Variants in PGAP1 observed in about 807,000 individuals in gnomAD.
The protein encoded by PGAP1 is post-GPI attachment to proteins inositol deacylase 1.
PGAP1 carries 76 observed loss-of-function variants against 127.0 expected under a neutral mutation model. The ratio of observed to expected loss-of-function variants is 0.60; its 90% confidence interval spans 0.50 to 0.72. PGAP1 has a LOEUF of 0.72. Ranked by LOEUF, PGAP1 falls within the 30% of genes least tolerant of loss-of-function variation. The pLI is 0.00. For missense variants in PGAP1, 982 were observed against 1,071.3 expected (o/e 0.92, Z 1.16); for synonymous variants, 362 against 366.5 (o/e 0.99, Z 0.14).
intron 20 of PGAP1, among the ~76,000 whole-genome samples, chr2:196,858,326 A>C (rs756424959): frequency 8.8e-4 from 134 of 151,722 alleles, no homozygotes; most frequent in Admixed American, 2.0e-3. Context: ...GGCGTAAACC[A>C]GGGAGACAGA....
chr2:196,880,175 C>G (rs1559350413), intron 12 of PGAP1, 22 bp from the exon 13 acceptor site: 1 of 1,351,484 alleles, frequency 7.4e-7, no homozygotes, highest in South Asian at 1.4e-5. Flanking sequence ...AAAAAAGAAA[C>G]TACTTTTATT....
rs1431889513 is a variant in PGAP1, at chr2:196,873,041, A to T, written c.1553-15T>A. ...GGTTATTTCTTCTGTTAAAACATTT[A>T]AAAAATGTATTATTAACAACATGTT... On this transcript the variant is annotated splice_polypyrimidine_tract_variant and intron_variant, in intron 16 of 26. Transcript: ENST00000354764. 5.4e-6 allele frequency: 4 copies of T among 742,000 alleles called. No individual in the cohort carries two copies. Among genetic ancestry groups the T allele is most frequent in the Non-Finnish European group, 9.1e-6 (4 of 440,986 alleles). The allele number at this position is 742,000 out of a possible 1,614,324, so 46.0% of individuals were successfully genotyped here.
intron 20 of PGAP1, among the ~76,000 whole-genome samples, chr2:196,850,523 C>T: frequency 6.6e-6 from 1 of 152,108 alleles, no homozygotes; most frequent in East Asian, 1.9e-4. Flanking sequence ...TGTCTTAAAA[C>T]TTAAGAGGAT....
chr2:196,887,250 G>T (rs906901324), intron 10 of PGAP1, among the ~76,000 whole-genome samples: 4 of 152,126 alleles, frequency 2.6e-5, no homozygotes, highest in Non-Finnish European at 5.9e-5. Context: ...TGGGCGTGGT[G>T]GTGGGCGTCT....
rs1702354971 is a variant in PGAP1, at chr2:196,898,352, C to T, written c.825G>A (p.Lys275=). 1 of 1,610,392 alleles carries T rather than the reference C, an allele frequency of 6.2e-7. No homozygotes were observed. Among genetic ancestry groups the T allele is most frequent in the Non-Finnish European group, 8.5e-7 (1 of 1,177,510 alleles). The change falls in exon 6 of 27, where the codon AAG becomes AAA. Residue 275 remains lysine (K), a synonymous_variant. Transcript: ENST00000354764. ...ALSVVSSAVP[K]TWVSTDHLSI... Reference sequence around the variant, plus strand: ...AGAGGTGGTCTGTTGAGACCCAGGTCTTAGGCACTGCTGAACTCTAAAAGA... The same window carrying T: ...AGAGGTGGTCTGTTGAGACCCAGGTTTTAGGCACTGCTGAACTCTAAAAGA...
intron 9 of PGAP1, 22 bp from the exon 10 acceptor site, chr2:196,890,933 T>G (rs368495581): frequency 1.6e-6 from 2 of 1,219,392 alleles, no homozygotes; most frequent in Non-Finnish European, 2.4e-6. Flanking sequence ...AGGAAAACAC[T>G]CAATATAGCT....
intron 10 of PGAP1, 65 bp downstream of exon 10, chr2:196,890,760 CAGT>C: frequency 1.2e-6 from 1 of 838,516 alleles, no homozygotes; most frequent in South Asian, 1.6e-5. Context: ...CTAGGTCTAC[CAGT>C]AGAATTTGAA....
rs557466876 is a variant in PGAP1 at position 196,887,094 on chromosome 2, A to G, written c.1174-1214T>C. ...GCAGAGATGATTGTGACATTTTAAC[A>G]TATTCTGTATTCAGCTTTAGTCAAT... is the stretch of plus-strand genomic sequence containing the variant. On this transcript the variant is annotated intron_variant, in intron 10 of 26. Transcript: ENST00000354764. Among the ~76,000 whole-genome samples the G allele has an allele frequency of 6.4e-4, 97 of 152,310 alleles. No individual in the cohort carries two copies. In the Middle Eastern group the frequency reaches 0.014, roughly 21 times the overall value.
chr2:196,898,757 T>A (rs1702373912), intron 5 of PGAP1, among the ~76,000 whole-genome samples: 1 of 152,158 alleles, frequency 6.6e-6, no homozygotes, highest in Non-Finnish European at 1.5e-5. Context: ...GTAATTTAAA[T>A]TTTGACGAAA....
At chr2:196,875,698 G>C in intron 14 of PGAP1, 48 bp downstream of exon 14, 1 of 1,046,854 alleles carries the variant, frequency 9.6e-7, no homozygotes. Context: ...CTGCAACTCT[G>C]TTAAAAATAA....
Position 196,916,532 on chromosome 2 carries a change from A to C in PGAP1, c.363T>G (p.Phe121Leu). The change falls in exon 3 of 27, where the codon TTT becomes TTG. Residue 121 changes from phenylalanine to leucine, a missense_variant. Phe to Leu is a conservative substitution (Grantham distance 22). Transcript: ENST00000354764. ...CATTGAAGTTCACACTAAAGAAGTC[A>C]AAGTGGTACTTGAAGTCAATGTCCT... ...KAEDIDFKYH[F>L]DFFSVNFNEE... is the part of the protein sequence containing the mutation. 8 of 1,613,594 alleles carry C rather than the reference A, an allele frequency of 5.0e-6. No individual in the cohort carries two copies. Among genetic ancestry groups the C allele is most frequent in the Non-Finnish European group, 6.8e-6 (8 of 1,179,764 alleles).
chr2:196,916,942 G>A (rs1378832889), intron 2 of PGAP1, among the ~76,000 whole-genome samples: 1 of 152,186 alleles, frequency 6.6e-6, no homozygotes, highest in East Asian at 1.9e-4. Context: ...AGGTTTTTAA[G>A]AATGACAAGG....
At chr2:196,900,025 C>T (rs770396770) in intron 5 of PGAP1, among the ~76,000 whole-genome samples, 1 of 152,112 alleles carries the variant, frequency 6.6e-6, no homozygotes, top group African/African-American at 2.4e-5. Context: ...GCAACAAGAG[C>T]GAAACTCCGT....
At chr2:196,891,613 ATAAGG>A (rs899947701) in intron 9 of PGAP1, among the ~76,000 whole-genome samples, 20 of 151,882 alleles carry the variant, frequency 1.3e-4, no homozygotes, top group African/African-American at 4.6e-4. Context: ...ATGAGTAAAT[ATAAGG>A]TAAGATCCAA....
At chr2:196,921,188 TA>T (rs34282392) in intron 1 of PGAP1, among the ~76,000 whole-genome samples, 86,748 of 144,374 alleles carry the variant, frequency 0.6, 26,711 homozygotes, top group East Asian at 0.91. Context: ...CTCGTTGTTC[TA>T]AAAAAAAAAA....
intron 14 of PGAP1, among the ~76,000 whole-genome samples, chr2:196,874,600 A>G (rs1187527129): frequency 3.9e-5 from 6 of 152,258 alleles, no homozygotes; most frequent in Non-Finnish European, 8.8e-5. Flanking sequence ...CCAAGAAAGG[A>G]AAATTAACAT....
At chr2:196,914,907 T>C (rs1463349766) in intron 3 of PGAP1, among the ~76,000 whole-genome samples, 2 of 150,962 alleles carry the variant, frequency 1.3e-5, no homozygotes, top group Non-Finnish European at 3.0e-5. Flanking sequence ...CCCAATCTCC[T>C]AGGCTCCGAG....
intron 19 of PGAP1, among the ~76,000 whole-genome samples, chr2:196,869,483 C>T (rs372840736): frequency 4.8e-4 from 73 of 152,138 alleles, no homozygotes; most frequent in African/African-American, 1.5e-3. Flanking sequence ...TACAGGTGCC[C>T]GCCACCACGT....
At position 196,843,930 on chromosome 2, in the gene PGAP1, A is replaced by G. The variant is rs1700485538; in HGVS notation, c.2483T>C (p.Leu828Ser). The G allele has an allele frequency of 1.3e-6, 2 of 1,578,646 alleles. No homozygotes were observed. Among genetic ancestry groups the G allele is most frequent in the African/African-American group, 1.3e-5 (1 of 74,312 alleles). Reference protein sequence around the residue: ...TVINLLTWIVLLSMPSLIYWL... With the variant: ...TVINLLTWIVSLSMPSLIYWL... ...ATAAATTAGAGAAGGCATGCTGAGT[A>G]ATACAATCCATGTTAGTAAGTTAAT... Residue 828 changes from leucine to serine, a missense_variant, in exon 25 of 27, where the codon TTA becomes TCA. Leu to Ser is a moderately radical substitution (Grantham distance 145). Coordinates refer to ENST00000354764, the MANE Select transcript of PGAP1 (RefSeq NM_024989.4).
Sources: gnomAD v4.1 joint callset for allele counts (sites outside exome capture counted in the v4.1 genomes callset) on GRCh38, gnomAD v4.1.1 for gene constraint, MANE v1.5 for transcripts, NCBI Gene and HGNC (gene_info 2026-07-23, HGNC 2026-07-21) for gene names.